The following KSR1 variants were observed in gnomAD, a reference collection of about 807,000 sequenced individuals.
KSR1 encodes kinase suppressor of ras.
KSR1 carries 35 observed loss-of-function variants against 92.9 expected under a neutral mutation model. The observed-to-expected ratio is 0.38, with a 90% CI of 0.29 to 0.50. The LOEUF is 0.50. KSR1 is among the 20% of genes least tolerant of loss of function. The pLI, the probability that KSR1 is intolerant of heterozygous loss-of-function variation, is 0.94. For synonymous variants in KSR1, 467 were observed against 472.6 expected (o/e 0.99, Z 0.15); for missense variants, 972 against 1,158.5 (o/e 0.84, Z 2.34).
intron 1 of KSR1, chr17:27,465,099 C>T (rs907997293): frequency 1.7e-4 from 26 of 152,116 alleles, no homozygotes; most frequent in African/African-American, 3.6e-4. Flanking sequence ...GATGTAGAGA[C>T]GTGCTCTCAG....
At chr17:27,562,898 C>T (rs2071889723) in intron 2 of KSR1, among the ~76,000 whole-genome samples, 1 of 152,182 alleles carries the variant, frequency 6.6e-6, no homozygotes, top group South Asian at 2.1e-4. Flanking sequence ...TCCTTTGCCA[C>T]TTGCCAGCAT....
intron 1 of KSR1, among the ~76,000 whole-genome samples, chr17:27,524,845 G>C (rs1415506093): frequency 3.3e-5 from 5 of 152,142 alleles, no homozygotes; most frequent in African/African-American, 1.2e-4. Context: ...AGGGGGCTCT[G>C]GGTTCCTGGA....
intron 1 of KSR1, among the ~76,000 whole-genome samples, chr17:27,542,482 ATAG>A (rs1410681804): frequency 6.6e-6 from 1 of 152,178 alleles, no homozygotes; most frequent in African/African-American, 2.4e-5. Flanking sequence ...ACAACCTATA[ATAG>A]GCCTTGGCAT....
intron 1 of KSR1, chr17:27,526,252 G>A: frequency 1.7e-6 from 1 of 582,076 alleles, no homozygotes; most frequent in Non-Finnish European, 3.0e-6. Flanking sequence ...TTCCCTGAAG[G>A]AATTCTTAAG....
intron 16 of KSR1, 125 bp downstream of exon 16, chr17:27,609,454 C>A (rs146213107): frequency 7.9e-7 from 1 of 1,273,058 alleles, no homozygotes; most frequent in Non-Finnish European, 1.1e-6. Flanking sequence ...GCCCAGGTCG[C>A]TTTGGTCCTG....
intron 19 of KSR1, chr17:27,620,906 C>T (rs530755116): frequency 3.1e-4 from 92 of 296,394 alleles, no homozygotes; most frequent in Middle Eastern, 9.4e-4. Flanking sequence ...CCAGCCCCTT[C>T]GAGGAAAGCA....
intron 3 of KSR1, among the ~76,000 whole-genome samples, chr17:27,580,029 G>A (rs373251546): frequency 6.6e-6 from 1 of 151,798 alleles, no homozygotes; most frequent in Admixed American, 6.6e-5. Flanking sequence ...TGTGACTGTA[G>A]TGTCATTCTC....
At chr17:27,611,315 A>C (rs2073910308) in intron 17 of KSR1, 179 bp from the exon 18 acceptor site, 1 of 676,564 alleles carries the variant, frequency 1.5e-6, no homozygotes, top group Admixed American at 3.0e-5. Flanking sequence ...CACAGGGCCC[A>C]GGTCCTCTAG....
At chr17:27,569,716 G>A (rs775997358) in intron 2 of KSR1, among the ~76,000 whole-genome samples, 1 of 152,360 alleles carries the variant, frequency 6.6e-6, no homozygotes, top group Admixed American at 6.5e-5. Flanking sequence ...ATTTGTGTAC[G>A]TGTTGTCTGT....
chr17:27,537,853 A>G lies in KSR1; in HGVS notation c.232-12715A>G, dbSNP rs150382492. Among the ~76,000 whole-genome samples, 422 of 152,292 alleles carry G rather than the reference A, an allele frequency of 2.8e-3. 13 individuals carry two copies. The East Asian group carries it at 0.066, about 24-fold the overall frequency. On this transcript the variant is annotated intron_variant, in intron 1 of 20. Coordinates refer to ENST00000644974, the MANE Select transcript of KSR1 (RefSeq NM_001394583.1). ...AAACAGTCCTGGAATACAAAAAATA[A>G]CTCAACGTGCATCAAAAACCTAAAT...
intron 1 of KSR1, among the ~76,000 whole-genome samples, chr17:27,499,574 G>C (rs1020401148): frequency 6.6e-6 from 1 of 152,208 alleles, no homozygotes; most frequent in Non-Finnish European, 1.5e-5. Context: ...CTGGGTCAAA[G>C]TGATGGCCCC....
intron 1 of KSR1, among the ~76,000 whole-genome samples, chr17:27,529,792 G>A (rs1454581716): frequency 2.6e-5 from 4 of 152,134 alleles, no homozygotes; most frequent in African/African-American, 7.2e-5. Flanking sequence ...CCCGACACCC[G>A]TCTTTTCTCT....
At position 27,576,630 on chromosome 17, in the gene KSR1, G is replaced by A. The variant is rs1191518732; in HGVS notation, c.373-862G>A. Among the ~76,000 whole-genome samples the A allele has an allele frequency of 3.3e-5, 5 of 152,270 alleles. No homozygotes were observed. In the South Asian group the frequency reaches 6.3e-4, roughly 19 times the overall value. On this transcript the variant is annotated intron_variant, in intron 2 of 20. Coordinates refer to ENST00000644974, the MANE Select transcript of KSR1 (RefSeq NM_001394583.1). ...CCGGGAGTGGAGACAGTGTGGAGACGCTGGACAAAGGGACAATTCACGTCT... is the reference window on the plus strand; with the variant it reads ...CCGGGAGTGGAGACAGTGTGGAGACACTGGACAAAGGGACAATTCACGTCT...
At chr17:27,597,571 G>A in intron 10 of KSR1, 135 bp downstream of exon 10, 12 of 904,324 alleles carry the variant, frequency 1.3e-5, no homozygotes, top group South Asian at 3.6e-5. Flanking sequence ...CTTGTCCGGC[G>A]CCCCAAGCAC....
At chr17:27,591,333 G>C (rs1440963312) in intron 7 of KSR1, among the ~76,000 whole-genome samples, 3 of 152,178 alleles carry the variant, frequency 2.0e-5, no homozygotes, top group African/African-American at 7.2e-5. Flanking sequence ...ATGCCTTGTG[G>C]TTTCTGGTGG....
intron 1 of KSR1, among the ~76,000 whole-genome samples, chr17:27,503,754 T>C (rs1234438461): frequency 6.6e-6 from 1 of 152,222 alleles, no homozygotes; most frequent in Non-Finnish European, 1.5e-5. Flanking sequence ...TTAGTGCTCA[T>C]GTGATTTGCC....
chr17:27,469,213 C>G (rs991276896), intron 1 of KSR1, among the ~76,000 whole-genome samples: 2 of 152,178 alleles, frequency 1.3e-5, no homozygotes, highest in Non-Finnish European at 2.9e-5. Context: ...CACAGTCCTT[C>G]CTGAAGCCTA....
intron 1 of KSR1, among the ~76,000 whole-genome samples, chr17:27,512,318 C>T (rs2151003617): frequency 6.6e-6 from 1 of 152,246 alleles, no homozygotes; most frequent in East Asian, 1.9e-4. Context: ...ATTGCTGTAC[C>T]CTTGCCAGTT....
At chr17:27,602,284 G>A (rs149553707) in intron 11 of KSR1, among the ~76,000 whole-genome samples, 99 of 152,262 alleles carry the variant, frequency 6.5e-4, no homozygotes, top group African/African-American at 2.4e-3. Flanking sequence ...CAGCAGTCAG[G>A]GCCCTGAGAA....
Sources: gnomAD v4.1 joint callset for allele counts (sites outside exome capture counted in the v4.1 genomes callset) on GRCh38, gnomAD v4.1.1 for gene constraint, MANE v1.5 for transcripts, NCBI Gene and HGNC (gene_info 2026-07-23, HGNC 2026-07-21) for gene names.